The following MGST2 variants were observed in gnomAD, a reference collection of about 807,000 sequenced individuals.
MGST2 encodes microsomal glutathione S-transferase 2.
Under a neutral mutation model 16.6 loss-of-function variants are expected in MGST2, and 9 were observed. That is an observed-to-expected ratio of 0.54 (90% CI 0.33 to 0.95). The LOEUF (loss-of-function observed/expected upper bound fraction) is 0.95, where lower values mean the gene tolerates loss of function less well. Among genes scored for constraint, MGST2 ranks in the 40% least tolerant of loss-of-function variants. The probability of loss-of-function intolerance (pLI) is 0.03; values close to 1 mark genes in which losing one functional copy is unlikely to be tolerated. For synonymous variants in MGST2, 79 were observed against 68.0 expected (o/e 1.16, Z -0.79); for missense variants, 159 against 175.1 (o/e 0.91, Z 0.52).
chr4:139,730,041 T>A (rs1030539130), intron 5 of MGST2, among the ~76,000 whole-genome samples: 2 of 152,196 alleles, frequency 1.3e-5, no homozygotes, highest in African/African-American at 4.8e-5. Flanking sequence ...GAATTATTAT[T>A]TTTTTCTTCA....
intron 5 of MGST2, among the ~76,000 whole-genome samples, chr4:139,732,832 C>T (rs1322955538): frequency 2.0e-5 from 3 of 152,024 alleles, no homozygotes; most frequent in Non-Finnish European, 4.4e-5. Context: ...AAGTGTACTG[C>T]GTTCTATTTT....
chr4:139,749,286 A>T, the MGST2 span, among the ~76,000 whole-genome samples: 1 of 152,192 alleles, frequency 6.6e-6, no homozygotes, highest in Non-Finnish European at 1.5e-5. Flanking sequence ...AAAAACATGA[A>T]ATATATATTA....
At chr4:139,707,231 G>T (rs1239603143), downstream of MGST2, among the ~76,000 whole-genome samples, 1 of 151,684 alleles carries the variant, frequency 6.6e-6, no homozygotes, top group Non-Finnish European at 1.5e-5. Context: ...TCCCCGGAGT[G>T]TGATGTTCCC....
intron 5 of MGST2, chr4:139,730,682 G>C: frequency 6.2e-7 from 1 of 1,606,046 alleles, no homozygotes; most frequent in Non-Finnish European, 8.5e-7. Context: ...GAAGACAAGA[G>C]AGAGGGAGAT....
intron 3 of MGST2, among the ~76,000 whole-genome samples, chr4:139,699,125 G>T (rs1318883309): frequency 6.6e-6 from 1 of 152,228 alleles, no homozygotes; most frequent in Non-Finnish European, 1.5e-5. Context: ...AAGAAGAACT[G>T]CTCAGTTGGA....
intron 1 of MGST2, among the ~76,000 whole-genome samples, chr4:139,674,004 G>T (rs1402097606): frequency 2.0e-5 from 3 of 152,232 alleles, no homozygotes; most frequent in Non-Finnish European, 4.4e-5. Flanking sequence ...GAGATTCTTT[G>T]GTTTGCAGTT....
chr4:139,690,201 A>C (rs1726490071), intron 2 of MGST2, among the ~76,000 whole-genome samples: 3 of 152,312 alleles, frequency 2.0e-5, no homozygotes, highest in Middle Eastern at 6.8e-3. Context: ...CATATTGTCC[A>C]GGCTGGTCTT....
At chr4:139,674,920 T>C (rs1730886050) in intron 1 of MGST2, among the ~76,000 whole-genome samples, 1 of 152,192 alleles carries the variant, frequency 6.6e-6, no homozygotes, top group Non-Finnish European at 1.5e-5. Flanking sequence ...TTCATGAGGT[T>C]TAACCCGTGT....
intron 5 of MGST2, chr4:139,725,960 T>C: frequency 1.3e-6 from 1 of 749,940 alleles, no homozygotes; most frequent in Non-Finnish European, 2.3e-6. Flanking sequence ...TGAAGAATCA[T>C]ATGCATACAG....
chr4:139,751,592 C>A, the MGST2 span, among the ~76,000 whole-genome samples: 3 of 152,196 alleles, frequency 2.0e-5, no homozygotes, highest in Non-Finnish European at 4.4e-5. Context: ...TGGATTTCAG[C>A]TTTTCCGATT....
downstream of MGST2, among the ~76,000 whole-genome samples, chr4:139,742,449 G>A (rs1008948109): frequency 4.6e-5 from 7 of 152,128 alleles, no homozygotes; most frequent in East Asian, 1.9e-4. Flanking sequence ...GCACCTGGCC[G>A]TCTTAAACTT....
At chr4:139,700,712 G>A (rs1275437625) in intron 3 of MGST2, among the ~76,000 whole-genome samples, 6 of 152,148 alleles carry the variant, frequency 3.9e-5, no homozygotes, top group African/African-American at 7.2e-5. Context: ...TGTATGTAGC[G>A]ACTCTACAAA....
intron 5 of MGST2, among the ~76,000 whole-genome samples, chr4:139,716,265 A>G (rs1422995321): frequency 6.6e-6 from 1 of 152,188 alleles, no homozygotes; most frequent in Non-Finnish European, 1.5e-5. Flanking sequence ...AAGCCAGGCC[A>G]TGGTTTGAGA....
At chr4:139,682,989 C>T (rs1731342837) in intron 2 of MGST2, among the ~76,000 whole-genome samples, 1 of 152,224 alleles carries the variant, frequency 6.6e-6, no homozygotes. Context: ...TCCCTCTGCA[C>T]AAGGTTCGAA....
downstream of MGST2, among the ~76,000 whole-genome samples, chr4:139,707,196 C>A (rs189733276): frequency 6.6e-6 from 1 of 151,790 alleles, no homozygotes; most frequent in African/African-American, 2.4e-5. Context: ...TGCTATACCT[C>A]CCCCCTCTCC....
downstream of MGST2, among the ~76,000 whole-genome samples, chr4:139,708,141 C>A (rs1560759220): frequency 6.6e-6 from 1 of 152,166 alleles, no homozygotes; most frequent in Non-Finnish European, 1.5e-5. Context: ...CTTGCCCATG[C>A]CTATGTCCTG....
At chr4:139,666,107 CGCGTGTGTGCGTGTGT>C (rs33930474) in intron 1 of MGST2, 30 bp downstream of exon 1, 89,041 of 1,174,652 alleles carry the variant, frequency 0.076, 3,738 homozygotes, top group African/African-American at 0.27. Flanking sequence ...CGTGTGTGTG[CGCGTGTGTGCGTGTGT>C]GTGTGTGTGT....
chr4:139,670,904 CA>C (rs111546595), intron 1 of MGST2, among the ~76,000 whole-genome samples: 3,367 of 93,008 alleles, frequency 0.036, 104 homozygotes, highest in African/African-American at 0.1. Flanking sequence ...GACCCTATCT[CA>C]AAAAAAAAAA....
At chr4:139,726,920 G>A (rs1411634391) in intron 5 of MGST2, among the ~76,000 whole-genome samples, 1 of 152,174 alleles carries the variant, frequency 6.6e-6, no homozygotes, top group Admixed American at 6.5e-5. Context: ...TAGGTCTGCC[G>A]TCAAGTAGCT....
Sources: gnomAD v4.1 joint callset for allele counts (sites outside exome capture counted in the v4.1 genomes callset) on GRCh38, gnomAD v4.1.1 for gene constraint, MANE v1.5 for transcripts, NCBI Gene and HGNC (gene_info 2026-07-23, HGNC 2026-07-21) for gene names.